ARFGAP1: variants seen among roughly 807,000 people sequenced by gnomAD.
The protein encoded by ARFGAP1 is ARF GTPase activating protein 1.
ARFGAP1 carries 26 observed loss-of-function variants against 54.0 expected under a neutral mutation model. That is an observed-to-expected ratio of 0.48 (90% CI 0.35 to 0.67). The LOEUF is 0.67. Among genes scored for constraint, ARFGAP1 ranks in the 30% least tolerant of loss-of-function variants. The pLI is 0.00. For missense variants in ARFGAP1, 525 were observed against 535.8 expected, an observed-to-expected ratio of 0.98 and a Z score of 0.20; for synonymous variants, 248 against 211.9, an observed-to-expected ratio of 1.17 and a Z score of -1.48.
intron 12 of ARFGAP1, 142 bp from the exon 13 acceptor site, chr20:63,287,422 C>T: frequency 2.8e-6 from 2 of 704,246 alleles, no homozygotes; most frequent in Admixed American, 3.1e-5. Flanking sequence ...AAACAGATCC[C>T]ACCTGGTGGG....
At chr20:63,281,263 T>C in intron 7 of ARFGAP1, 28 bp from the exon 8 acceptor site, 1 of 1,585,804 alleles carries the variant, frequency 6.3e-7, no homozygotes, top group Non-Finnish European at 8.6e-7. Context: ...CCAGTCCTGA[T>C]GTGGCTGCTC....
chr20:63,274,977 A>C (rs1211580936), intron 1 of ARFGAP1, among the ~76,000 whole-genome samples: 1 of 152,180 alleles, frequency 6.6e-6, no homozygotes, highest in East Asian at 1.9e-4. Flanking sequence ...CAGCAGCCAC[A>C]CTGTCGCCCC....
rs2067613438 is a variant in ARFGAP1, at chr20:63,288,090, G to A, written c.*217G>A. 1 of 624,802 alleles carries A rather than the reference G, an allele frequency of 1.6e-6. No homozygotes were observed. The highest frequency in any genetic ancestry group is 2.8e-6 in the Non-Finnish European group (1 of 358,412). The allele number at this position is 624,802 out of a possible 1,614,324, so 38.7% of individuals were successfully genotyped here. A position where few individuals can be genotyped will look rare whatever the true frequency, so the allele number is the denominator to read the frequency against. On this transcript the variant is annotated 3_prime_UTR_variant, in exon 13 of 13. Coordinates refer to ENST00000370283, the MANE Select transcript of ARFGAP1 (RefSeq NM_018209.4). ...CGGCTTGCTGTCCAGCCTGTGTGGG[G>A]GCCGTCCCGTCCCACACTCCCCTGG...
intron 7 of ARFGAP1, 57 bp downstream of exon 7, chr20:63,279,052 G>C: frequency 1.9e-6 from 3 of 1,555,306 alleles, no homozygotes; most frequent in South Asian, 1.1e-5. Flanking sequence ...CTGAGGGCAC[G>C]ACGGGCCATA....
intron 9 of ARFGAP1, 167 bp downstream of exon 9, chr20:63,283,018 A>G (rs888042794): frequency 2.9e-5 from 21 of 735,164 alleles, no homozygotes; most frequent in South Asian, 2.2e-4. Flanking sequence ...TCCCCTCCTC[A>G]TGCCCGGGTG....
At chr20:63,286,889 C>T (rs1328017890) in intron 12 of ARFGAP1, 1 of 184,812 alleles carries the variant, frequency 5.4e-6, no homozygotes, top group Non-Finnish European at 1.1e-5. Context: ...GCTAGGGCCC[C>T]AGAGACCTGT....
intron 6 of ARFGAP1, 41 bp downstream of exon 6, chr20:63,278,244 C>T (rs759175846): frequency 2.5e-6 from 4 of 1,600,064 alleles, no homozygotes; most frequent in Non-Finnish European, 3.4e-6. Context: ...GTGGGCCAGG[C>T]CCACAGGGTT....
intron 10 of ARFGAP1, 110 bp downstream of exon 10, chr20:63,285,032 C>A: frequency 7.9e-7 from 1 of 1,268,914 alleles, no homozygotes. Flanking sequence ...CTCAGCGAGG[C>A]CAAGCCTCAC....
At chr20:63,286,042 T>A in intron 11 of ARFGAP1, 2 of 1,548,832 alleles carry the variant, frequency 1.3e-6, no homozygotes, top group Non-Finnish European at 1.7e-6. Context: ...GGCGTGCATT[T>A]TGTCCTGTTT....
chr20:63,275,886 C>G (rs1261145518), intron 2 of ARFGAP1, among the ~76,000 whole-genome samples: 1 of 152,200 alleles, frequency 6.6e-6, no homozygotes, highest in Non-Finnish European at 1.5e-5. Context: ...TCAGGTCACT[C>G]GCTCTAAGGA....
In ARFGAP1 at chr20:63,278,994, C is replaced by G; in HGVS notation, c.626C>G (p.Ser209Trp). The G allele has an allele frequency of 2.5e-6, 4 of 1,613,868 alleles. No homozygotes were observed. The highest frequency in any genetic ancestry group is 3.4e-6 in the Non-Finnish European group (4 of 1,179,990). Residue 209 changes from serine to tryptophan, a missense_variant and splice_region_variant, in exon 7 of 13, where the codon TCG becomes TGG. Ser to Trp is a radical substitution (Grantham distance 177). This residue lies in a region of ARFGAP1 where 466 missense variants were observed against 453.6 expected (regional missense o/e 1.03). Coordinates refer to ENST00000370283, the MANE Select transcript of ARFGAP1 (RefSeq NM_018209.4). ...AACAACGCCATGTCCTCCCTGTACT[C>G]GGTGAGGACTTGGCCCTGCAGAGCA... ...FLNNAMSSLYSGWSSFTTGAS... is the reference protein window; with the variant it reads ...FLNNAMSSLYWGWSSFTTGAS...
intron 1 of ARFGAP1, chr20:63,273,463 G>C (rs1227028627): frequency 1.3e-5 from 2 of 152,242 alleles, no homozygotes; most frequent in African/African-American, 4.8e-5. Context: ...CAAGCGTTCA[G>C]AGTTTTTGCG....
intron 11 of ARFGAP1, 72 bp from the exon 12 acceptor site, chr20:63,286,294 C>A (rs923559082): frequency 1.3e-6 from 2 of 1,598,374 alleles, no homozygotes; most frequent in South Asian, 2.2e-5. Context: ...TGCCGGCTTG[C>A]GTGTGGGGGC....
intron 10 of ARFGAP1, 105 bp from the exon 11 acceptor site, chr20:63,285,549 C>T: frequency 8.4e-7 from 1 of 1,197,088 alleles, no homozygotes; most frequent in Non-Finnish European, 1.2e-6. Flanking sequence ...TATCCACATG[C>T]CCCTGATATT....
At chr20:63,287,211 G>C (rs1013861635) in intron 12 of ARFGAP1, among the ~76,000 whole-genome samples, 1 of 152,260 alleles carries the variant, frequency 6.6e-6, no homozygotes. Flanking sequence ...TGAGGGCGTC[G>C]CTCGGGAGGG....
chr20:63,281,652 T>C (rs2067383387), intron 8 of ARFGAP1, among the ~76,000 whole-genome samples: 1 of 152,174 alleles, frequency 6.6e-6, no homozygotes, highest in South Asian at 2.1e-4. Context: ...GACTCCACCC[T>C]ATCCAAGCAG....
At chr20:63,282,679 G>T in intron 8 of ARFGAP1, 140 bp from the exon 9 acceptor site, 1 of 787,040 alleles carries the variant, frequency 1.3e-6, no homozygotes. Context: ...GCATCTCAGA[G>T]TTATAGGGCC....
At chr20:63,277,376 A>G in intron 5 of ARFGAP1, 71 bp downstream of exon 5, 2 of 1,315,432 alleles carry the variant, frequency 1.5e-6, no homozygotes, top group Admixed American at 5.2e-5. Flanking sequence ...GGTTTCCCAC[A>G]GAATTCTCCC....
rs988265869 is a variant in ARFGAP1, at chr20:63,278,421, T to G, written c.530+218T>G. ...AGCCCCAGCCAGCCCAGGTGTGAAT[T>G]GGGGGGTCTTAGATGTATTGCAGTG... On this transcript the variant is annotated intron_variant, in intron 6 of 12. Transcript: ENST00000370283. 346 of 518,228 alleles carry G rather than the reference T, an allele frequency of 6.7e-4. 2 individuals carry two copies. Among genetic ancestry groups the G allele is most frequent in the Non-Finnish European group, 1.2e-3 (335 of 287,256 alleles). 32.1% of individuals were successfully genotyped at this position (518,228 alleles called of 1,614,324 possible).
Sources: allele counts gnomAD v4.1 joint callset (sites outside exome capture counted in the v4.1 genomes callset), GRCh38; gene constraint gnomAD v4.1.1; regional missense constraint gnomAD v4.1.1; transcripts MANE v1.5; gene names NCBI Gene and HGNC (gene_info 2026-07-23, HGNC 2026-07-21).